PRKN: variants seen among roughly 807,000 people sequenced by gnomAD.
PRKN encodes the protein parkin RBR E3 ubiquitin protein ligase, also known as E3 ubiquitin-protein ligase parkin.
A neutral mutation model predicts 59.5 loss-of-function variants in PRKN; 56 were observed. The ratio of observed to expected loss-of-function variants is 0.94; its 90% CI spans 0.76 to 1.18. The LOEUF is 1.18. Ranked by LOEUF, PRKN falls within the 50% of genes most tolerant of loss-of-function variation. The probability of loss-of-function intolerance (pLI) is 0.00; values close to 1 mark genes in which losing one functional copy is unlikely to be tolerated. For synonymous variants in PRKN, 250 were observed against 222.1 expected (o/e 1.13, Z -1.12); for missense variants, 657 against 596.4 (o/e 1.10, Z -1.06).
chr6:161,612,718 CAAAAAAA>C (rs57084261), intron 7 of PRKN, among the ~76,000 whole-genome samples: 4 of 59,638 alleles, frequency 6.7e-5, no homozygotes, highest in African/African-American at 1.3e-4. Flanking sequence ...GACTCCATCT[CAAAAAAA>C]AAAAAAAAAA....
intron 7 of PRKN, among the ~76,000 whole-genome samples, chr6:161,710,806 T>TTCCC (rs1388847061): frequency 6.6e-6 from 1 of 150,884 alleles, no homozygotes; most frequent in African/African-American, 2.4e-5. Flanking sequence ...TCTTCCTTCC[T>TTCCC]TCCCTCCCTC....
intron 6 of PRKN, among the ~76,000 whole-genome samples, chr6:161,794,677 G>T (rs1189463556): frequency 1.3e-5 from 2 of 151,988 alleles, no homozygotes; most frequent in Non-Finnish European, 2.9e-5. Flanking sequence ...TCTCAAGTCA[G>T]TCTCTTTGCT....
chr6:161,702,642 T>C (rs550187186), intron 7 of PRKN, among the ~76,000 whole-genome samples: 44 of 152,134 alleles, frequency 2.9e-4, no homozygotes, highest in Non-Finnish European at 5.1e-4. Flanking sequence ...TTGCCAACAA[T>C]GTGAATTTAC....
At chr6:162,331,360 C>G (rs1402162247) in intron 2 of PRKN, among the ~76,000 whole-genome samples, 4 of 152,172 alleles carry the variant, frequency 2.6e-5, no homozygotes, top group Non-Finnish European at 4.4e-5. Context: ...TTTAACTTTC[C>G]TTTCAGGTCT....
chr6:161,607,778 T>A (rs914791620), intron 7 of PRKN, among the ~76,000 whole-genome samples: 23 of 152,148 alleles, frequency 1.5e-4, no homozygotes, highest in African/African-American at 5.6e-4. Context: ...GTATAGAAGG[T>A]CATAGGTTTC....
At chr6:162,694,100 A>T (rs1777880281) in intron 1 of PRKN, among the ~76,000 whole-genome samples, 1 of 152,062 alleles carries the variant, frequency 6.6e-6, no homozygotes, top group Admixed American at 6.5e-5. Flanking sequence ...ACAAAAAATT[A>T]GCCAGGCATG....
At chr6:162,397,335 T>A (rs536345242) in intron 2 of PRKN, among the ~76,000 whole-genome samples, 1 of 152,278 alleles carries the variant, frequency 6.6e-6, no homozygotes, top group South Asian at 2.1e-4. Context: ...CTGGATTAAG[T>A]CATGTCTAGG....
intron 1 of PRKN, among the ~76,000 whole-genome samples, chr6:162,526,707 A>G: frequency 6.6e-6 from 1 of 152,174 alleles, no homozygotes; most frequent in Non-Finnish European, 1.5e-5. Context: ...CTGGTAGAAG[A>G]TAGCTAGATG....
At chr6:162,219,303 T>C (rs1378032352) in intron 3 of PRKN, among the ~76,000 whole-genome samples, 1 of 152,168 alleles carries the variant, frequency 6.6e-6, no homozygotes, top group East Asian at 1.9e-4. Context: ...TGTCAAACAC[T>C]TCTTTATCTA....
At position 161,378,452 on chromosome 6, in the gene PRKN, C is replaced by A. The variant is rs1785821587; in HGVS notation, c.1167+8342G>T. On this transcript the variant is annotated intron_variant, in intron 10 of 11. Coordinates refer to ENST00000366898, the MANE Select transcript of PRKN (RefSeq NM_004562.3). This position sits in a 1 kb window ranked among gnomAD's most constrained non-coding sequence, Gnocchi z 7.3. Reference sequence around the variant, plus strand: ...TGTGTCCTCCACTCCTCGAGGAGACCAACTAACTGGCCAGTGGGTGTCAGG... The same window carrying A: ...TGTGTCCTCCACTCCTCGAGGAGACAAACTAACTGGCCAGTGGGTGTCAGG... 1.3e-5 allele frequency among the ~76,000 whole-genome samples: 2 copies of A among 152,160 alleles called. No individual in the cohort carries two copies. Among genetic ancestry groups the A allele is most frequent in the South Asian group, 4.1e-4 (2 of 4,828 alleles).
intron 1 of PRKN, among the ~76,000 whole-genome samples, chr6:162,496,207 A>C (rs2128186404): frequency 6.6e-6 from 1 of 152,160 alleles, no homozygotes; most frequent in East Asian, 1.9e-4. Flanking sequence ...ATTGCATTCC[A>C]ACCTGGGCAA....
intron 7 of PRKN, among the ~76,000 whole-genome samples, chr6:161,732,168 C>T (rs745600654): frequency 6.6e-6 from 1 of 151,526 alleles, no homozygotes; most frequent in Admixed American, 6.6e-5. Flanking sequence ...CACGCTGGAA[C>T]CTCCGCCTCC....
intron 7 of PRKN, among the ~76,000 whole-genome samples, chr6:161,641,598 C>T (rs1783740227): frequency 1.3e-5 from 2 of 152,322 alleles, no homozygotes; most frequent in East Asian, 1.9e-4. Flanking sequence ...ACAGCCAGAT[C>T]TGTGTGAATG....
chr6:161,771,211 C>T (rs1043615209), intron 7 of PRKN, among the ~76,000 whole-genome samples: 1 of 151,740 alleles, frequency 6.6e-6, no homozygotes, highest in Non-Finnish European at 1.5e-5. Flanking sequence ...AAAAAATTAG[C>T]CTGGCATCAT....
chr6:162,588,013 G>GTTTT (rs71004102), intron 1 of PRKN, among the ~76,000 whole-genome samples: 1 of 136,662 alleles, frequency 7.3e-6, no homozygotes, highest in Non-Finnish European at 1.6e-5. Flanking sequence ...GAGTTTTTGA[G>GTTTT]TTTTTTTTTT....
chr6:161,975,259 G>A (rs1006427718), intron 5 of PRKN, among the ~76,000 whole-genome samples: 7 of 151,604 alleles, frequency 4.6e-5, no homozygotes, highest in East Asian at 3.9e-4. Flanking sequence ...CCAATTTTTC[G>A]TATTAGTAGA....
At chr6:161,351,174 T>C (rs1004154972) in intron 11 of PRKN, among the ~76,000 whole-genome samples, 1 of 136,526 alleles carries the variant, frequency 7.3e-6, no homozygotes, top group African/African-American at 2.7e-5. Flanking sequence ...TATATTTAAA[T>C]ATATTGATAA....
At chr6:162,224,281 C>A (rs940401848) in intron 3 of PRKN, among the ~76,000 whole-genome samples, 1 of 152,092 alleles carries the variant, frequency 6.6e-6, no homozygotes, top group Non-Finnish European at 1.5e-5. Flanking sequence ...TTTTACTGTA[C>A]TTTTTCTATG....
intron 7 of PRKN, among the ~76,000 whole-genome samples, chr6:161,695,956 T>G (rs192236375): frequency 6.6e-6 from 1 of 152,190 alleles, no homozygotes; most frequent in African/African-American, 2.4e-5. Context: ...GGACAGAGGC[T>G]GAAGAAGTGT....
Sources: allele counts gnomAD v4.1 joint callset (sites outside exome capture counted in the v4.1 genomes callset), GRCh38; gene constraint gnomAD v4.1.1; non-coding constraint Gnocchi (gnomAD v3.1); transcripts MANE v1.5; gene names NCBI Gene and HGNC (gene_info 2026-07-23, HGNC 2026-07-21).